The following NALCN variants were observed in gnomAD, a reference collection of about 807,000 sequenced individuals.
NALCN encodes the protein sodium leak channel, non-selective, also known as sodium leak channel NALCN.
Under a neutral mutation model 225.3 loss-of-function variants are expected in NALCN, and 111 were observed. The ratio of observed to expected loss-of-function variants is 0.49; its 90% CI spans 0.42 to 0.58. The LOEUF (loss-of-function observed/expected upper bound fraction) is 0.58, where lower values mean the gene tolerates loss of function less well. Among genes scored for constraint, NALCN ranks in the 20% least tolerant of loss-of-function variants. The pLI is 0.00. For synonymous variants in NALCN, 764 were observed against 769.0 expected, an observed-to-expected ratio of 0.99 and a Z score of 0.11; for missense variants, 1,378 against 2,202.4, an observed-to-expected ratio of 0.63 and a Z score of 7.49.
intron 11 of NALCN, among the ~76,000 whole-genome samples, chr13:101,254,225 A>T (rs986375131): frequency 1.4e-4 from 21 of 152,132 alleles, no homozygotes; most frequent in African/African-American, 5.1e-4. Context: ...TCTACTAGAA[A>T]TACAAAAATT....
intron 12 of NALCN, among the ~76,000 whole-genome samples, chr13:101,234,907 G>A (rs2041496245): frequency 6.6e-6 from 1 of 151,894 alleles, no homozygotes; most frequent in Non-Finnish European, 1.5e-5. Flanking sequence ...TTACAGCCTT[G>A]CAGGCTAATA....
intron 13 of NALCN, among the ~76,000 whole-genome samples, chr13:101,213,120 C>T (rs1161706776): frequency 6.6e-6 from 1 of 152,070 alleles, no homozygotes; most frequent in South Asian, 2.1e-4. Context: ...TGGAATAGAA[C>T]AGAGCCCTCA....
At chr13:101,230,513 C>T (rs561356067) in intron 12 of NALCN, among the ~76,000 whole-genome samples, 3 of 152,276 alleles carry the variant, frequency 2.0e-5, no homozygotes, top group East Asian at 1.9e-4. Context: ...TTCAGACCTA[C>T]GGAATGTGAG....
At chr13:101,398,156 A>G (rs1419037249) in intron 2 of NALCN, among the ~76,000 whole-genome samples, 2 of 152,190 alleles carry the variant, frequency 1.3e-5, no homozygotes, top group Non-Finnish European at 2.9e-5. Context: ...GGTAATAGGG[A>G]TGCTTCCATG....
chr13:101,072,040 T>G (rs962224217), intron 37 of NALCN, among the ~76,000 whole-genome samples: 1 of 152,106 alleles, frequency 6.6e-6, no homozygotes, highest in Non-Finnish European at 1.5e-5. Context: ...ATTTATCAAT[T>G]AAATTCTCCA....
chr13:101,221,961 A>C (rs1162589611), intron 13 of NALCN, among the ~76,000 whole-genome samples: 1 of 151,900 alleles, frequency 6.6e-6, no homozygotes, highest in Non-Finnish European at 1.5e-5. Flanking sequence ...CCAACCACTC[A>C]CTCCCACCCC....
At chr13:101,302,539 A>C (rs1228348800) in intron 7 of NALCN, among the ~76,000 whole-genome samples, 2 of 152,204 alleles carry the variant, frequency 1.3e-5, no homozygotes, top group African/African-American at 4.8e-5. Flanking sequence ...TACAAATAAC[A>C]CATGGAATTA....
intron 17 of NALCN, among the ~76,000 whole-genome samples, chr13:101,138,225 C>T (rs1050238884): frequency 2.6e-5 from 4 of 152,364 alleles, no homozygotes; most frequent in African/African-American, 9.6e-5. Flanking sequence ...TGAATTCCCA[C>T]AGCCCAGAGA....
At chr13:101,386,628 T>C (rs909358885) in intron 3 of NALCN, among the ~76,000 whole-genome samples, 6 of 152,006 alleles carry the variant, frequency 3.9e-5, no homozygotes, top group Non-Finnish European at 7.4e-5. Context: ...TTTGGCAAAT[T>C]ACTAGGTCAA....
In NALCN at chr13:101,213,771, G is replaced by A. The variant is rs141925637; in HGVS notation, c.1626+15622C>T. Among the ~76,000 whole-genome samples, 517 of 152,228 alleles carry A rather than the reference G, an allele frequency of 3.4e-3. 3 individuals are homozygous for A. Among genetic ancestry groups the A allele is most frequent in the African/African-American group, 0.011 (460 of 41,552 alleles). ...GCCATCTCACACCAGTTAGAATGGC[G>A]ATCATTAAAAAGTCAGGAAACAACA... On this transcript the variant is annotated intron_variant, in intron 13 of 43. Transcript: ENST00000251127.
At chr13:101,397,566 CACATATA>C (rs1258492431) in intron 2 of NALCN, among the ~76,000 whole-genome samples, 1 of 150,734 alleles carries the variant, frequency 6.6e-6, no homozygotes, top group Non-Finnish European at 1.5e-5. Context: ...TATATGTTAA[CACATATA>C]ACATATATGT....
At chr13:101,252,516 G>A (rs1411485467) in intron 11 of NALCN, among the ~76,000 whole-genome samples, 1 of 152,136 alleles carries the variant, frequency 6.6e-6, no homozygotes, top group African/African-American at 2.4e-5. Flanking sequence ...CTGTGCATGA[G>A]TAGCAGGGGA....
intron 7 of NALCN, among the ~76,000 whole-genome samples, chr13:101,325,471 A>T (rs1161295346): frequency 6.6e-6 from 1 of 152,192 alleles, no homozygotes; most frequent in Non-Finnish European, 1.5e-5. Flanking sequence ...CCCTTACACA[A>T]AACAGCCAGC....
intron 43 of NALCN, 129 bp downstream of exon 43, chr13:101,057,810 A>ATTATG: frequency 1.3e-6 from 1 of 774,830 alleles, no homozygotes; most frequent in Non-Finnish European, 2.3e-6. Context: ...TACATTTTTC[A>ATTATG]TTATGTTGCT....
At chr13:101,113,150 T>C (rs367625128) in intron 18 of NALCN, among the ~76,000 whole-genome samples, 1 of 152,196 alleles carries the variant, frequency 6.6e-6, no homozygotes, top group African/African-American at 2.4e-5. Context: ...TCTACAGATA[T>C]ATAAATATGT....
rs3061766 is a variant in NALCN, at chr13:101,278,522, C to CAAAAAA, written c.1134+5405_1134+5410dup. ...TGGGCAGGAGAGTGAGACTCTGTCTCAAAAAAAAAAAAAAAAAAAAAAAAG... is the reference window on the plus strand; with the variant it reads ...TGGGCAGGAGAGTGAGACTCTGTCTCAAAAAAAAAAAAAAAAAAAAAAAAAAAAAAG... On this transcript the variant is annotated intron_variant, in intron 10 of 43. Transcript: ENST00000251127. Among the ~76,000 whole-genome samples, 101 of 87,354 alleles carry CAAAAAA rather than the reference C, an allele frequency of 1.2e-3. 1 individual carries two copies. The highest frequency in any genetic ancestry group is 2.3e-3 in the African/African-American group (40 of 17,500). 57.3% of individuals were successfully genotyped at this position (87,354 alleles called of 152,430 possible). A position where few individuals can be genotyped will look rare whatever the true frequency, so the allele number is the denominator to read the frequency against.
At chr13:101,141,568 G>A (rs2139779732) in intron 17 of NALCN, among the ~76,000 whole-genome samples, 1 of 152,160 alleles carries the variant, frequency 6.6e-6, no homozygotes, top group East Asian at 1.9e-4. Context: ...CAGAGAACCT[G>A]GGAGCTGGGG....
intron 28 of NALCN, among the ~76,000 whole-genome samples, chr13:101,095,212 G>T (rs1158995272): frequency 6.6e-6 from 1 of 152,162 alleles, no homozygotes; most frequent in Non-Finnish European, 1.5e-5. Context: ...GAGGACATCA[G>T]ATCCTCCTTT....
rs1179980264 is a variant in NALCN at position 101,055,363 on chromosome 13, T to TAAC, written c.5146_5148dup (p.Val1716dup). On this transcript the variant is annotated inframe_insertion, in exon 44 of 44. Transcript: ENST00000251127. ...GTCAGCTGCCGGGTCCACCACTTCTTAACTTCAGAACCGCAGGAAGCCGCG... is the reference window on the plus strand; with the variant it reads ...GTCAGCTGCCGGGTCCACCACTTCTTAACAACTTCAGAACCGCAGGAAGCCGCG... The TAAC allele has an allele frequency of 6.2e-7, 1 of 1,614,182 alleles. No individual in the cohort carries two copies. The highest frequency in any genetic ancestry group is 2.2e-5 in the East Asian group (1 of 44,884).
Sources: gnomAD v4.1 joint callset for allele counts (sites outside exome capture counted in the v4.1 genomes callset) on GRCh38, gnomAD v4.1.1 for gene constraint, MANE v1.5 for transcripts, NCBI Gene and HGNC (gene_info 2026-07-23, HGNC 2026-07-21) for gene names.